SPOCK1: variants seen among roughly 807,000 people sequenced by gnomAD.
SPOCK1 encodes SPARC (osteonectin), cwcv and kazal like domains proteoglycan 1, also known as testican-1.
Under a neutral mutation model 55.3 loss-of-function variants are expected in SPOCK1, and 23 were observed. The ratio of observed to expected loss-of-function variants is 0.42; its 90% CI spans 0.30 to 0.59. The LOEUF is 0.59. Among genes scored for constraint, SPOCK1 ranks in the 20% least tolerant of loss-of-function variants. SPOCK1 has a pLI of 0.22. For missense variants in SPOCK1, 499 were observed against 552.5 expected (o/e 0.90, Z 0.97); for synonymous variants, 226 against 221.0 (o/e 1.02, Z -0.20).
rs1002681675 is a variant in SPOCK1 at position 137,436,669 on chromosome 5, G to T, written c.186+61704C>A. On this transcript the variant is annotated intron_variant, in intron 2 of 10. Transcript: ENST00000394945. Reference sequence around the variant, plus strand: ...AAAACCCCAGCTGAGATGCTGATTGGAATGGGGTGAAATGATACATTACTT... The same window carrying T: ...AAAACCCCAGCTGAGATGCTGATTGTAATGGGGTGAAATGATACATTACTT... Among the ~76,000 whole-genome samples the T allele has an allele frequency of 2.6e-5, 4 of 152,170 alleles. No homozygotes were observed. The South Asian group carries it at 8.3e-4, about 32-fold the overall frequency.
intron 3 of SPOCK1, among the ~76,000 whole-genome samples, chr5:137,145,895 G>A (rs1289560023): frequency 1.3e-5 from 2 of 152,174 alleles, no homozygotes; most frequent in Non-Finnish European, 2.9e-5. Flanking sequence ...GAATTCAAGT[G>A]TTTCATGAGG....
At chr5:137,233,941 A>C (rs766649635) in intron 3 of SPOCK1, among the ~76,000 whole-genome samples, 1 of 152,074 alleles carries the variant, frequency 6.6e-6, no homozygotes, top group Non-Finnish European at 1.5e-5. Context: ...AGGATGAATA[A>C]GAGTGGTGAG....
chr5:137,304,685 C>T (rs1001091880), intron 2 of SPOCK1, among the ~76,000 whole-genome samples: 1 of 152,262 alleles, frequency 6.6e-6, no homozygotes, highest in South Asian at 2.1e-4. Context: ...AGGAGCAAGA[C>T]CCCCTGCTGC....
At chr5:137,249,189 G>T (rs1756460404) in intron 3 of SPOCK1, among the ~76,000 whole-genome samples, 1 of 152,302 alleles carries the variant, frequency 6.6e-6, no homozygotes, top group Middle Eastern at 3.4e-3. Context: ...GAGAGTTAAT[G>T]TAAGTAAAAC....
At chr5:137,346,034 G>C (rs959365896) in intron 2 of SPOCK1, among the ~76,000 whole-genome samples, 1 of 152,200 alleles carries the variant, frequency 6.6e-6, no homozygotes, top group African/African-American at 2.4e-5. Flanking sequence ...AAGGCCATGG[G>C]GCTGAGTAGC....
intron 3 of SPOCK1, among the ~76,000 whole-genome samples, chr5:137,175,323 G>T (rs1156863009): frequency 6.6e-6 from 1 of 152,142 alleles, no homozygotes; most frequent in Non-Finnish European, 1.5e-5. Flanking sequence ...TAGGTAGGAG[G>T]CCAGTGAGGC....
intron 3 of SPOCK1, among the ~76,000 whole-genome samples, chr5:137,155,798 T>C (rs1057326042): frequency 1.3e-5 from 2 of 152,250 alleles, no homozygotes; most frequent in African/African-American, 4.8e-5. Flanking sequence ...AGGCTCTGTC[T>C]GGTCTCTTTG....
At chr5:136,981,954 A>G (rs888040883) in intron 9 of SPOCK1, among the ~76,000 whole-genome samples, 1 of 152,236 alleles carries the variant, frequency 6.6e-6, no homozygotes, top group East Asian at 1.9e-4. Context: ...TGGTTCCATA[A>G]CATTATAACA....
At chr5:137,319,145 A>T (rs924402860) in intron 2 of SPOCK1, among the ~76,000 whole-genome samples, 1 of 152,252 alleles carries the variant, frequency 6.6e-6, no homozygotes, top group Non-Finnish European at 1.5e-5. Context: ...CATGAAGGTT[A>T]TGGAGCCTGT....
chr5:137,015,389 G>A (rs1751431446), intron 6 of SPOCK1, among the ~76,000 whole-genome samples: 1 of 152,122 alleles, frequency 6.6e-6, no homozygotes, highest in African/African-American at 2.4e-5. Context: ...GGCAGAGCTT[G>A]CAGTGAGAAG....
At chr5:137,224,317 C>T (rs1755909543) in intron 3 of SPOCK1, among the ~76,000 whole-genome samples, 1 of 152,252 alleles carries the variant, frequency 6.6e-6, no homozygotes, top group African/African-American at 2.4e-5. Context: ...AGATGCTGAA[C>T]AGACAGAGGA....
At chr5:137,211,275 C>T (rs976725384) in intron 3 of SPOCK1, among the ~76,000 whole-genome samples, 1 of 152,154 alleles carries the variant, frequency 6.6e-6, no homozygotes, top group Non-Finnish European at 1.5e-5. Context: ...TCTACCACAG[C>T]TACCCACTAG....
chr5:137,239,389 T>C (rs575036736), intron 3 of SPOCK1, among the ~76,000 whole-genome samples: 14 of 152,326 alleles, frequency 9.2e-5, no homozygotes, highest in African/African-American at 3.4e-4. Context: ...CAGTAATAAA[T>C]AAGCAAAGTA....
intron 3 of SPOCK1, among the ~76,000 whole-genome samples, chr5:137,175,139 T>A (rs1361196665): frequency 2.6e-5 from 4 of 152,030 alleles, no homozygotes; most frequent in Admixed American, 6.5e-5. Context: ...ACTATGGAAA[T>A]GAGTTATGAA....
chr5:137,405,199 A>G (rs1752071412), intron 2 of SPOCK1, among the ~76,000 whole-genome samples: 1 of 152,246 alleles, frequency 6.6e-6, no homozygotes, highest in South Asian at 2.1e-4. Context: ...TAATGTCTAA[A>G]TTCATCACTG....
intron 6 of SPOCK1, among the ~76,000 whole-genome samples, chr5:137,067,298 T>C (rs1039079111): frequency 3.9e-5 from 6 of 152,170 alleles, no homozygotes; most frequent in African/African-American, 1.4e-4. Flanking sequence ...AGAAATACTT[T>C]AGGGGAGAAC....
At chr5:137,295,032 C>A (rs925046098) in intron 2 of SPOCK1, among the ~76,000 whole-genome samples, 1 of 152,134 alleles carries the variant, frequency 6.6e-6, no homozygotes, top group Non-Finnish European at 1.5e-5. Context: ...TCATTTATTG[C>A]CTGTCTTCCT....
intron 2 of SPOCK1, among the ~76,000 whole-genome samples, chr5:137,304,203 A>G (rs2916647): frequency 0.57 from 86,092 of 151,908 alleles, 24,933 homozygotes; most frequent in Admixed American, 0.65. Flanking sequence ...TCAAAATTTT[A>G]CATCCATAAG....
intron 2 of SPOCK1, among the ~76,000 whole-genome samples, chr5:137,456,284 G>A (rs970767267): frequency 2.6e-5 from 4 of 152,046 alleles, no homozygotes; most frequent in South Asian, 2.1e-4. Context: ...CTTTCCTTTG[G>A]ACAGGAGGAG....
Sources: gnomAD v4.1 joint callset for allele counts (sites outside exome capture counted in the v4.1 genomes callset) on GRCh38, gnomAD v4.1.1 for gene constraint, MANE v1.5 for transcripts, NCBI Gene and HGNC (gene_info 2026-07-23, HGNC 2026-07-21) for gene names.